The following DCC variants were observed in gnomAD, a reference collection of about 807,000 sequenced individuals.
The protein encoded by DCC is netrin receptor DCC.
DCC carries 58 observed loss-of-function variants against 172.5 expected under a neutral mutation model. That is an observed-to-expected ratio of 0.34 (90% CI 0.27 to 0.42). The LOEUF (loss-of-function observed/expected upper bound fraction) is 0.42. Ranked by LOEUF, DCC falls within the 10% of genes least tolerant of loss-of-function variation. The pLI, the probability that DCC is intolerant of heterozygous loss-of-function variation, is 1.00. For missense variants in DCC, 1,740 were observed against 1,791.0 expected, an observed-to-expected ratio of 0.97 and a Z score of 0.51; for synonymous variants, 709 against 644.5, an observed-to-expected ratio of 1.10 and a Z score of -1.52.
At chr18:52,569,163 C>T (rs1352594635) in intron 1 of DCC, among the ~76,000 whole-genome samples, 1 of 152,172 alleles carries the variant, frequency 6.6e-6, no homozygotes, top group Non-Finnish European at 1.5e-5. Context: ...ACTTTGCCAT[C>T]AATCTGTACT....
chr18:53,473,962 T>C (rs1009088156), intron 25 of DCC, among the ~76,000 whole-genome samples: 2 of 152,152 alleles, frequency 1.3e-5, no homozygotes, highest in African/African-American at 4.8e-5. Context: ...AAATAACAAA[T>C]CTTCTCTTAG....
chr18:52,892,663 A>G (rs2039667678), intron 2 of DCC: 1 of 152,130 alleles, frequency 6.6e-6, no homozygotes, highest in Non-Finnish European at 1.5e-5. Flanking sequence ...TTTCCCTTCG[A>G]GTGGCTATTA....
intron 2 of DCC, among the ~76,000 whole-genome samples, chr18:52,833,158 C>T (rs982318020): frequency 6.6e-6 from 1 of 152,100 alleles, no homozygotes; most frequent in Admixed American, 6.5e-5. Context: ...CTTCCACATG[C>T]ACCTAGTCCA....
chr18:52,683,395 T>C (rs1169434483), intron 1 of DCC, among the ~76,000 whole-genome samples: 2 of 152,110 alleles, frequency 1.3e-5, no homozygotes, highest in Non-Finnish European at 2.9e-5. Flanking sequence ...CATGGAGCTC[T>C]TTATTCTTCT....
chr18:53,334,797 T>A (rs566331536), intron 14 of DCC, among the ~76,000 whole-genome samples: 73 of 152,338 alleles, frequency 4.8e-4, no homozygotes, highest in African/African-American at 1.7e-3. Context: ...TACTATTCCA[T>A]TATGTGTATA....
At chr18:52,464,534 C>G (rs914229281) in intron 1 of DCC, among the ~76,000 whole-genome samples, 2 of 152,118 alleles carry the variant, frequency 1.3e-5, no homozygotes. Flanking sequence ...GGATAGGGAG[C>G]AACGCAAAGC....
intron 15 of DCC, among the ~76,000 whole-genome samples, chr18:53,371,853 A>G (rs1210751332): frequency 6.6e-6 from 1 of 152,122 alleles, no homozygotes; most frequent in Non-Finnish European, 1.5e-5. Flanking sequence ...CAACAAGCAT[A>G]TGAAACAATC....
At position 53,027,294 on chromosome 18, in the gene DCC, G is replaced by A. The variant is rs182907134; in HGVS notation, c.986-36011G>A. On this transcript the variant is annotated intron_variant, in intron 5 of 28. Coordinates refer to ENST00000442544, the MANE Select transcript of DCC (RefSeq NM_005215.4). ...CCACTGTTTATGATGAATGTGGAAAGGGTTGATACAGCTCAGCAATGAATA... is the reference window on the plus strand; with the variant it reads ...CCACTGTTTATGATGAATGTGGAAAAGGTTGATACAGCTCAGCAATGAATA... Among the ~76,000 whole-genome samples the A allele has an allele frequency of 3.9e-3, 595 of 152,246 alleles. 3 individuals are homozygous for A. Among genetic ancestry groups the A allele is most frequent in the African/African-American group, 0.014 (573 of 41,552 alleles).
At chr18:53,059,151 C>A (rs1475790919) in intron 5 of DCC, among the ~76,000 whole-genome samples, 1 of 152,050 alleles carries the variant, frequency 6.6e-6, no homozygotes, top group East Asian at 1.9e-4. Flanking sequence ...TGAGAACTCG[C>A]TCACTATCAT....
At chr18:52,446,001 G>A (rs1258305291) in intron 1 of DCC, among the ~76,000 whole-genome samples, 1 of 152,078 alleles carries the variant, frequency 6.6e-6, no homozygotes, top group African/African-American at 2.4e-5. Context: ...GCGGGATCTC[G>A]GCTCACTGCA....
In DCC at chr18:53,199,983, A is replaced by C. The variant is rs12954273; in HGVS notation, c.1574-5233A>C. Among the ~76,000 whole-genome samples, 204 of 152,330 alleles carry C rather than the reference A, an allele frequency of 1.3e-3. 2 individuals are homozygous for C. Among genetic ancestry groups the C allele is most frequent in the South Asian group, 0.012 (57 of 4,828 alleles). On this transcript the variant is annotated intron_variant, in intron 9 of 28. Coordinates refer to ENST00000442544, the MANE Select transcript of DCC (RefSeq NM_005215.4). The stretch of plus-strand genomic sequence containing the variant: ...CCAAAGGGCAGTCATTTCTCAGGAA[A>C]CAAAAAGGCAGTTGGAAACTTTACA...
chr18:52,350,750 A>T (rs921820013), intron 1 of DCC, among the ~76,000 whole-genome samples: 4 of 152,170 alleles, frequency 2.6e-5, no homozygotes, highest in African/African-American at 9.7e-5. Flanking sequence ...AATTGATTGG[A>T]CCAAAAAGAG....
At chr18:53,102,160 A>G (rs1465214876) in intron 7 of DCC, among the ~76,000 whole-genome samples, 1 of 152,114 alleles carries the variant, frequency 6.6e-6, no homozygotes, top group African/African-American at 2.4e-5. Flanking sequence ...CACCATAAAG[A>G]CAGATTTTAA....
At chr18:52,499,152 C>G (rs1241322074) in intron 1 of DCC, among the ~76,000 whole-genome samples, 2 of 152,134 alleles carry the variant, frequency 1.3e-5, no homozygotes, top group African/African-American at 4.8e-5. Context: ...CTGCAAGCTC[C>G]CTGAATGCAG....
intron 21 of DCC, among the ~76,000 whole-genome samples, chr18:53,433,477 C>A (rs1911750533): frequency 6.6e-6 from 1 of 152,178 alleles, no homozygotes; most frequent in South Asian, 2.1e-4. Context: ...TATTGCTTTA[C>A]TGGCCTAAGT....
At chr18:52,684,907 T>G (rs1262509539) in intron 1 of DCC, among the ~76,000 whole-genome samples, 2 of 152,156 alleles carry the variant, frequency 1.3e-5, no homozygotes. Context: ...TTTCTAATAT[T>G]TATAGCTAAT....
intron 1 of DCC, among the ~76,000 whole-genome samples, chr18:52,718,222 G>A: frequency 4.3e-5 from 1 of 23,134 alleles, no homozygotes; most frequent in African/African-American, 6.7e-5. Flanking sequence ...AAAGTAAGAA[G>A]GTGCTAAAAA....
intron 2 of DCC, among the ~76,000 whole-genome samples, chr18:52,838,510 A>C (rs959067559): frequency 7.2e-5 from 11 of 152,012 alleles, no homozygotes; most frequent in Admixed American, 3.3e-4. Context: ...GTGGTGGGGG[A>C]GGGGAAGAAG....
chr18:52,780,054 C>A, intron 2 of DCC, among the ~76,000 whole-genome samples: 1 of 149,442 alleles, frequency 6.7e-6, no homozygotes, highest in East Asian at 1.9e-4. Context: ...ACTACTTCAT[C>A]GTGGCCTTTT....
Sources: allele counts gnomAD v4.1 joint callset (sites outside exome capture counted in the v4.1 genomes callset), GRCh38; gene constraint gnomAD v4.1.1; transcripts MANE v1.5; gene names NCBI Gene and HGNC (gene_info 2026-07-23, HGNC 2026-07-21).